Variants in CALN1 observed in about 807,000 individuals in gnomAD.
CALN1 encodes calcium-binding protein 8.
A neutral mutation model predicts 30.6 loss-of-function variants in CALN1; 17 were observed. The observed-to-expected ratio is 0.56, with a 90% CI of 0.38 to 0.83. The LOEUF (loss-of-function observed/expected upper bound fraction) is 0.83, where lower values mean the gene tolerates loss of function less well. CALN1 is among the 40% of genes least tolerant of loss of function. CALN1 has a pLI of 0.00. For missense variants in CALN1, 291 were observed against 354.9 expected (o/e 0.82, Z 1.45); for synonymous variants, 156 against 131.4 (o/e 1.19, Z -1.28).
intron 4 of CALN1, among the ~76,000 whole-genome samples, chr7:72,062,511 C>CAAAA (rs376093442): frequency 1.7e-4 from 10 of 59,344 alleles, no homozygotes; most frequent in African/African-American, 6.2e-4. Context: ...GACTCTATCT[C>CAAAA]AAAAAAAAAA....
Position 71,786,070 on chromosome 7 carries a change from G to C in CALN1, c.*1705C>G, listed in dbSNP as rs1792968065. 6.5e-6 allele frequency: 1 copy of C among 152,794 alleles called. No individual in the cohort carries two copies. Among genetic ancestry groups the C allele is most frequent in the Admixed American group, 6.5e-5 (1 of 15,302 alleles). 9.5% of individuals were successfully genotyped at this position (152,794 alleles called of 1,614,324 possible). ...TTTCTACAGCTGCCCTCAGGCTGTT[G>C]CCAGTAGCACTTGCAGAGGTGAATG... On this transcript the variant is annotated 3_prime_UTR_variant, in exon 7 of 7. Coordinates refer to ENST00000395275, the MANE Select transcript of CALN1 (RefSeq NM_031468.4).
intron 2 of CALN1, among the ~76,000 whole-genome samples, chr7:72,308,810 G>A (rs530394455): frequency 7.2e-5 from 11 of 152,244 alleles, no homozygotes; most frequent in African/African-American, 2.6e-4. Flanking sequence ...CTTGGGTGAA[G>A]AACTTTCATG....
intron 5 of CALN1, among the ~76,000 whole-genome samples, chr7:72,011,397 C>A (rs1452856881): frequency 1.3e-5 from 2 of 152,088 alleles, no homozygotes; most frequent in Non-Finnish European, 2.9e-5. Context: ...ACCGTTGAAC[C>A]TCTGAACTCT....
At chr7:72,405,305 C>T (rs1027672652) in intron 1 of CALN1, among the ~76,000 whole-genome samples, 61 of 152,332 alleles carry the variant, frequency 4.0e-4, no homozygotes, top group African/African-American at 1.4e-3. Context: ...CACACAACAG[C>T]ACTGGTCTTC....
intron 3 of CALN1, among the ~76,000 whole-genome samples, chr7:72,239,247 A>C (rs1358950983): frequency 6.6e-6 from 1 of 152,012 alleles, no homozygotes; most frequent in Admixed American, 6.6e-5. Flanking sequence ...AAAATAAATA[A>C]ATTAGCCAGG....
At chr7:72,473,939 AAAAG>A in the CALN1 span, among the ~76,000 whole-genome samples, 88 of 150,718 alleles carry the variant, frequency 5.8e-4, no homozygotes, top group Middle Eastern at 3.4e-3. Context: ...AAAAAAAAAA[AAAAG>A]AAAGAAAGAA....
At chr7:72,170,221 G>A (rs62462852) in intron 3 of CALN1, among the ~76,000 whole-genome samples, 38,557 of 152,052 alleles carry the variant, frequency 0.25, 5,942 homozygotes, top group Non-Finnish European at 0.35. Flanking sequence ...AGCCTCATGT[G>A]ATCCTGCTCA....
At position 71,863,704 on chromosome 7, in the gene CALN1, C is replaced by T. The variant is rs577233992; in HGVS notation, c.502-53212G>A. Among the ~76,000 whole-genome samples, 19 of 152,076 alleles carry T rather than the reference C, an allele frequency of 1.2e-4. No homozygotes were observed. The East Asian group carries it at 3.7e-3, about 29-fold the overall frequency. On this transcript the variant is annotated intron_variant, in intron 5 of 6. Coordinates refer to ENST00000395275, the MANE Select transcript of CALN1 (RefSeq NM_031468.4). Reference sequence around the variant, plus strand: ...GGCTCCACGCAGGAGTCTGTCTACACAACTGACTGTAAGATTAAGAAGTAT... The same window carrying T: ...GGCTCCACGCAGGAGTCTGTCTACATAACTGACTGTAAGATTAAGAAGTAT...
chr7:71,882,860 G>GTGTC (rs1562869271), intron 5 of CALN1, among the ~76,000 whole-genome samples: 10 of 144,492 alleles, frequency 6.9e-5, no homozygotes, highest in African/African-American at 2.7e-4. Flanking sequence ...TTGTGTGTGT[G>GTGTC]TGTGTGTGTG....
intron 2 of CALN1, among the ~76,000 whole-genome samples, chr7:72,335,949 C>T (rs1010500399): frequency 6.6e-6 from 1 of 152,184 alleles, no homozygotes; most frequent in Non-Finnish European, 1.5e-5. Flanking sequence ...CTCCGCGCTG[C>T]GCTAGTCCGG....
intron 1 of CALN1, among the ~76,000 whole-genome samples, chr7:72,406,988 CCAGT>C (rs1307111680): frequency 1.3e-5 from 2 of 152,098 alleles, no homozygotes; most frequent in Admixed American, 6.6e-5. Flanking sequence ...GGAACACTGC[CCAGT>C]CACTCTTTCA....
intron 3 of CALN1, among the ~76,000 whole-genome samples, chr7:72,208,344 T>C (rs1003369139): frequency 4.6e-5 from 7 of 152,258 alleles, no homozygotes; most frequent in Admixed American, 6.5e-5. Flanking sequence ...TGGTGGTTTC[T>C]AATAAGTTTG....
At chr7:71,921,060 A>G (rs1001662100) in intron 5 of CALN1, among the ~76,000 whole-genome samples, 2 of 152,196 alleles carry the variant, frequency 1.3e-5, no homozygotes, top group African/African-American at 4.8e-5. Flanking sequence ...TTGCAGGGAT[A>G]TGGATGAAGC....
At chr7:72,148,100 A>T (rs1321331136) in intron 3 of CALN1, among the ~76,000 whole-genome samples, 9 of 137,410 alleles carry the variant, frequency 6.5e-5, no homozygotes, top group South Asian at 2.8e-4. Flanking sequence ...ATAAAAAAAA[A>T]TAAAAAAAAA....
At chr7:71,811,044 G>A (rs899222360) in intron 5 of CALN1, among the ~76,000 whole-genome samples, 26 of 151,864 alleles carry the variant, frequency 1.7e-4, no homozygotes, top group South Asian at 4.2e-4. Context: ...ACAGGTGCCC[G>A]CCACCACGCC....
At chr7:72,488,312 A>G in the CALN1 span, among the ~76,000 whole-genome samples, 3 of 152,102 alleles carry the variant, frequency 2.0e-5, no homozygotes. Context: ...TTGAGGCTGC[A>G]GTGAGCCATG....
chr7:72,018,993 T>C (rs1310848140), intron 5 of CALN1, among the ~76,000 whole-genome samples: 1 of 147,950 alleles, frequency 6.8e-6, no homozygotes, highest in Non-Finnish European at 1.5e-5. Flanking sequence ...ATTACCACCA[T>C]ATCCAGCTAA....
chr7:72,437,521 G>T (rs2129564253), intron 1 of CALN1, among the ~76,000 whole-genome samples: 1 of 75,236 alleles, frequency 1.3e-5, no homozygotes, highest in East Asian at 2.4e-4. Context: ...ACCCAGTTGT[G>T]TGGAGTGTGT....
At chr7:72,385,451 G>C (rs1270900969) in intron 2 of CALN1, among the ~76,000 whole-genome samples, 2 of 152,046 alleles carry the variant, frequency 1.3e-5, no homozygotes, top group Non-Finnish European at 2.9e-5. Flanking sequence ...CTATGAAATG[G>C]AATATTATTC....
Sources: allele counts gnomAD v4.1 joint callset (sites outside exome capture counted in the v4.1 genomes callset), GRCh38; gene constraint gnomAD v4.1.1; transcripts MANE v1.5; gene names NCBI Gene and HGNC (gene_info 2026-07-23, HGNC 2026-07-21).